The following LIN9 variants were observed in gnomAD, a reference collection of about 807,000 sequenced individuals.
LIN9 encodes the protein protein lin-9 homolog.
In LIN9, 18 loss-of-function variants were observed where a neutral mutation model predicts 78.0. The ratio of observed to expected loss-of-function variants is 0.23; its 90% CI spans 0.16 to 0.34. The LOEUF (loss-of-function observed/expected upper bound fraction) is 0.34, where lower values mean the gene tolerates loss of function less well. LIN9 is among the 10% of genes least tolerant of loss of function. The probability of loss-of-function intolerance (pLI) is 1.00; values close to 1 mark genes in which losing one functional copy is unlikely to be tolerated. For missense variants in LIN9, 451 were observed against 644.1 expected (o/e 0.70, Z 3.25); for synonymous variants, 192 against 215.2 (o/e 0.89, Z 0.94).
intron 4 of LIN9, among the ~76,000 whole-genome samples, chr1:226,288,631 G>A (rs1336524324): frequency 1.3e-5 from 2 of 152,060 alleles, no homozygotes; most frequent in East Asian, 3.8e-4. Context: ...AATAATAACT[G>A]GACAGGCCAT....
intron 1 of LIN9, among the ~76,000 whole-genome samples, chr1:226,304,562 G>A (rs770159033): frequency 3.2e-4 from 49 of 152,140 alleles, no homozygotes; most frequent in Non-Finnish European, 5.3e-4. Flanking sequence ...TGGGGACGGG[G>A]GAATTACTCT....
chr1:226,267,276 CA>C (rs1659982221), intron 8 of LIN9, among the ~76,000 whole-genome samples: 1 of 131,230 alleles, frequency 7.6e-6, no homozygotes, highest in African/African-American at 2.9e-5. Context: ...AATATATTTA[CA>C]AAGACATACA....
intron 14 of LIN9, 189 bp from the exon 15 acceptor site, chr1:226,232,795 A>C: frequency 2.0e-6 from 1 of 498,262 alleles, no homozygotes; most frequent in Non-Finnish European, 3.5e-6. Flanking sequence ...AAAGAAGCAA[A>C]GGAGCCACGG....
At chr1:226,291,311 G>C (rs1661777114) in intron 4 of LIN9, among the ~76,000 whole-genome samples, 1 of 151,986 alleles carries the variant, frequency 6.6e-6, no homozygotes, top group Non-Finnish European at 1.5e-5. Flanking sequence ...AAAAAGAAAT[G>C]AAACACTGAA....
intron 10 of LIN9, among the ~76,000 whole-genome samples, chr1:226,254,192 T>C (rs1042939839): frequency 3.9e-5 from 6 of 152,168 alleles, no homozygotes; most frequent in African/African-American, 9.7e-5. Context: ...TGCCCAGGCT[T>C]GTCTTGAACT....
At chr1:226,308,551 G>C (rs566769633) in intron 1 of LIN9, among the ~76,000 whole-genome samples, 57 of 152,332 alleles carry the variant, frequency 3.7e-4, no homozygotes, top group African/African-American at 1.3e-3. Flanking sequence ...AACACTTCCA[G>C]GGGTGGACAC....
chr1:226,240,015 C>T (rs1005407187), intron 11 of LIN9, among the ~76,000 whole-genome samples: 1 of 151,922 alleles, frequency 6.6e-6, no homozygotes, highest in Admixed American at 6.6e-5. Flanking sequence ...CTTTCCTAGA[C>T]CTAGGGAGGA....
At chr1:226,253,350 G>T (rs1188037152) in intron 10 of LIN9, among the ~76,000 whole-genome samples, 3 of 151,528 alleles carry the variant, frequency 2.0e-5, no homozygotes, top group Non-Finnish European at 4.4e-5. Flanking sequence ...TGTCGCCCAG[G>T]CTAGAACGCA....
rs556848518 is a variant in LIN9 at position 226,294,071 on chromosome 1, G to A, written c.264+1771C>T. Among the ~76,000 whole-genome samples the A allele has an allele frequency of 3.0e-4, 45 of 152,168 alleles. 1 individual carries two copies. The highest frequency in any genetic ancestry group is 2.9e-3 in the Admixed American group (45 of 15,262). On this transcript the variant is annotated intron_variant, in intron 4 of 14. Transcript: ENST00000681046. ...ACCTGTAATCCCAGCAGTTTAGGAGGCTGAGGTGAGTGGATCGCTTGAGGT... is the reference window on the plus strand; with the variant it reads ...ACCTGTAATCCCAGCAGTTTAGGAGACTGAGGTGAGTGGATCGCTTGAGGT...
intron 12 of LIN9, among the ~76,000 whole-genome samples, chr1:226,233,804 A>G (rs570516997): frequency 6.6e-6 from 1 of 152,246 alleles, no homozygotes; most frequent in Non-Finnish European, 1.5e-5. Flanking sequence ...ATGTTTTACT[A>G]CATTTGATCT....
At chr1:226,233,295 C>T (rs369675987) in intron 13 of LIN9, 49 bp downstream of exon 13, 48 of 1,531,190 alleles carry the variant, frequency 3.1e-5, no homozygotes, top group East Asian at 9.2e-5. Flanking sequence ...AACAAATTAG[C>T]GTGGGTTGCT....
intron 10 of LIN9, among the ~76,000 whole-genome samples, chr1:226,253,856 A>G (rs1297363866): frequency 6.6e-6 from 1 of 152,108 alleles, no homozygotes; most frequent in African/African-American, 2.4e-5. Context: ...CAGAGTCTGC[A>G]ATGAGCTAAG....
intron 11 of LIN9, among the ~76,000 whole-genome samples, chr1:226,249,991 G>A (rs1483104596): frequency 2.0e-5 from 3 of 151,974 alleles, no homozygotes; most frequent in Non-Finnish European, 2.9e-5. Flanking sequence ...CCAACATGGC[G>A]AAACCCCGTC....
Position 226,286,365 on chromosome 1 carries a change from T to C in LIN9, c.492A>G (p.Gly164=). 1 of 1,611,870 alleles carries C rather than the reference T, an allele frequency of 6.2e-7. No individual in the cohort carries two copies. The highest frequency in any genetic ancestry group is 8.5e-7 in the Non-Finnish European group (1 of 1,179,496). ...KTRKLTRVEW[G]KIRRLMGKPR... ...GTTTTCCCATAAGCCGCCGAATTTT[T>C]CCCCATTCTACTCTTGTTAACTTTC... The change falls in exon 6 of 15, where the codon GGA becomes GGG. Residue 164 remains glycine, a synonymous_variant. Transcript: ENST00000681046.
chr1:226,260,628 G>GTTTTTTTTTTTTTTTTTTTTTTTTTT (rs559460640), intron 10 of LIN9, among the ~76,000 whole-genome samples: 4 of 73,440 alleles, frequency 5.4e-5, no homozygotes, highest in African/African-American at 2.0e-4. Context: ...GGCCAAATGA[G>GTTTTTTTTTTTTTTTTTTTTTTTTTT]TTTTTTTTTT....
intron 11 of LIN9, among the ~76,000 whole-genome samples, chr1:226,239,347 G>A (rs1186229221): frequency 6.6e-6 from 1 of 152,114 alleles, no homozygotes; most frequent in Non-Finnish European, 1.5e-5. Flanking sequence ...TAAATTAAAT[G>A]GAGCAAAATG....
chr1:226,297,911 A>G, intron 2 of LIN9, 98 bp from the exon 3 acceptor site: 1 of 471,786 alleles, frequency 2.1e-6, no homozygotes, highest in Non-Finnish European at 3.7e-6. Flanking sequence ...TATCTAAAAT[A>G]TTTAATATGG....
At chr1:226,247,728 G>C (rs6668540) in intron 11 of LIN9, among the ~76,000 whole-genome samples, 64,111 of 149,984 alleles carry the variant, frequency 0.43, 13,865 homozygotes, top group East Asian at 0.48. Flanking sequence ...CTAGAGTACA[G>C]TGGCACAATC....
At chr1:226,258,450 CAG>C (rs1229395994) in intron 10 of LIN9, among the ~76,000 whole-genome samples, 2 of 142,408 alleles carry the variant, frequency 1.4e-5, no homozygotes, top group Non-Finnish European at 3.0e-5. Context: ...GCCTGGGTGA[CAG>C]AGCAAGACTT....
Sources: allele counts gnomAD v4.1 joint callset (sites outside exome capture counted in the v4.1 genomes callset), GRCh38; gene constraint gnomAD v4.1.1; transcripts MANE v1.5; gene names NCBI Gene and HGNC (gene_info 2026-07-23, HGNC 2026-07-21).